Variants in MEPE observed in about 807,000 individuals in gnomAD.
MEPE encodes the protein matrix, extracellular phosphoglycoprotein with ASARM motif (bone).
Under a neutral mutation model 7.3 loss-of-function variants are expected in MEPE, and 7 were observed. That is an observed-to-expected ratio of 0.95 (90% CI 0.54 to 1.79). The LOEUF (loss-of-function observed/expected upper bound fraction) is 1.79. Ranked by LOEUF, MEPE falls within the 40% of genes most tolerant of loss-of-function variation. The probability of loss-of-function intolerance (pLI) is 0.00; values close to 1 mark genes in which losing one functional copy is unlikely to be tolerated. For missense variants in MEPE, 623 were observed against 628.2 expected (o/e 0.99, Z 0.09); for synonymous variants, 214 against 213.1 (o/e 1.00, Z -0.04).
Position 87,845,915 on chromosome 4 carries a change from G to A in MEPE, c.1047G>A (p.Glu349=), listed in dbSNP as rs1478417360. Reference sequence around the variant, plus strand: ...TCATGGGTAGTACCAATTTTAAGGAGCTCCCTGGAAGAGAAGGAAACAGAG... The same window carrying A: ...TCATGGGTAGTACCAATTTTAAGGAACTCCCTGGAAGAGAAGGAAACAGAG... ...NDIMGSTNFK[E]LPGREGNRVD... is the part of the protein sequence containing the mutation. The change falls in exon 4 of 4, where the codon GAG becomes GAA. Residue 349 remains glutamate, a synonymous_variant. Coordinates refer to ENST00000361056, the MANE Select transcript of MEPE (RefSeq NM_020203.6). 11 of 1,613,970 alleles carry A rather than the reference G, an allele frequency of 6.8e-6. No individual in the cohort carries two copies. The highest frequency in any genetic ancestry group is 9.3e-6 in the Non-Finnish European group (11 of 1,179,956).
intron 3 of MEPE, among the ~76,000 whole-genome samples, chr4:87,843,185 C>T (rs1723081384): frequency 6.6e-6 from 1 of 152,126 alleles, no homozygotes; most frequent in South Asian, 2.1e-4. Context: ...ACTGCAAAAG[C>T]CTCCTACATG....
intron 2 of MEPE, among the ~76,000 whole-genome samples, chr4:87,837,168 G>C (rs1206230569): frequency 1.3e-5 from 2 of 152,144 alleles, no homozygotes; most frequent in Non-Finnish European, 2.9e-5. Flanking sequence ...CCAACCAGGG[G>C]TGGTGAGACC....
intron 1 of MEPE, among the ~76,000 whole-genome samples, chr4:87,822,373 T>A (rs2109985814): frequency 6.6e-6 from 1 of 152,244 alleles, no homozygotes; most frequent in African/African-American, 2.4e-5. Flanking sequence ...TCCCAGGACT[T>A]TCCCACTCAC....
chr4:87,842,879 C>T (rs1350800819), intron 3 of MEPE, among the ~76,000 whole-genome samples: 1 of 152,112 alleles, frequency 6.6e-6, no homozygotes, highest in Non-Finnish European at 1.5e-5. Context: ...TGACCATGGG[C>T]TATGAAAACT....
intron 2 of MEPE, among the ~76,000 whole-genome samples, chr4:87,836,610 G>A (rs1279100440): frequency 1.3e-5 from 2 of 152,078 alleles, no homozygotes; most frequent in Admixed American, 6.6e-5. Flanking sequence ...GATCATATAA[G>A]AATCAACATA....
upstream of MEPE, among the ~76,000 whole-genome samples, chr4:87,832,380 C>T (rs1243591107): frequency 6.6e-6 from 1 of 152,124 alleles, no homozygotes; most frequent in Non-Finnish European, 1.5e-5. Flanking sequence ...AGTGTCCCCA[C>T]CCCCAATGCT....
intron 1 of MEPE, among the ~76,000 whole-genome samples, chr4:87,822,389 G>T (rs11734956): frequency 2.0e-5 from 3 of 151,886 alleles, no homozygotes; most frequent in Admixed American, 2.0e-4. Context: ...CTCACAACCC[G>T]TCAAGCAATT....
chr4:87,834,900 A>T, intron 2 of MEPE, 132 bp downstream of exon 2: 1 of 703,766 alleles, frequency 1.4e-6, no homozygotes, highest in Admixed American at 3.1e-5. Context: ...CCAAGCAAAC[A>T]GAAAGCATCT....
intron 3 of MEPE, chr4:87,840,123 A>G (rs1002958041): frequency 2.0e-6 from 3 of 1,486,656 alleles, no homozygotes; most frequent in African/African-American, 1.4e-5. Context: ...TTTTCTTGAC[A>G]TATTCTACCA....
chr4:87,845,950 G>A lies in MEPE; in HGVS notation c.1082G>A (p.Gly361Asp), dbSNP rs1459454813. ...AGAGAAGGAAACAGAGTGGATGCTG[G>A]CAGCCAAAATGCTCACCAAGGGAAG... ...PGREGNRVDAGSQNAHQGKVE... is the reference protein window; with the variant it reads ...PGREGNRVDADSQNAHQGKVE... Residue 361 changes from glycine to aspartate, a missense_variant, in exon 4 of 4, where the codon GGC becomes GAC. By Grantham distance (94) the Gly-to-Asp change is moderately conservative (BLOSUM62 -1). Transcript: ENST00000361056. 1 of 1,613,928 alleles carries A rather than the reference G, an allele frequency of 6.2e-7. No individual in the cohort carries two copies. The highest frequency in any genetic ancestry group is 8.5e-7 in the Non-Finnish European group (1 of 1,179,952).
chr4:87,841,699 T>G (rs1723019247), intron 3 of MEPE, among the ~76,000 whole-genome samples: 1 of 151,482 alleles, frequency 6.6e-6, no homozygotes, highest in Non-Finnish European at 1.5e-5. Flanking sequence ...TGTTTGGGAG[T>G]GAAAAAAAAG....
In MEPE at chr4:87,846,029, T is replaced by C. The variant is rs1245125732; in HGVS notation, c.1161T>C (p.Ser387=). ...CAAAAGAGAAAAGAAAAGAAGGCAGTAGTGATGCAGCTGAAAGTACCAACT... is the reference window on the plus strand; with the variant it reads ...CAAAAGAGAAAAGAAAAGAAGGCAGCAGTGATGCAGCTGAAAGTACCAACT... The part of the protein sequence containing the change: ...APSKEKRKEG[S]SDAAESTNYN... The change falls in exon 4 of 4, where the codon AGT becomes AGC. Residue 387 remains serine (S), a synonymous_variant. Transcript: ENST00000361056. 3.1e-6 allele frequency: 5 copies of C among 1,613,994 alleles called. No homozygotes were observed. The highest frequency in any genetic ancestry group is 2.2e-5 in the East Asian group (1 of 44,884).
At chr4:87,827,678 AT>A (rs1297011177) in intron 1 of MEPE, among the ~76,000 whole-genome samples, 1 of 152,228 alleles carries the variant, frequency 6.6e-6, no homozygotes, top group Admixed American at 6.5e-5. Flanking sequence ...TTATAATTAT[AT>A]TTTAACTACA....
chr4:87,846,145 G>T lies in MEPE; in HGVS notation c.1277G>T (p.Arg426Met). 6 of 1,613,956 alleles carry T rather than the reference G, an allele frequency of 3.7e-6. No individual in the cohort carries two copies. The highest frequency in any genetic ancestry group is 3.4e-6 in the Non-Finnish European group (4 of 1,179,962). Residue 426 changes from arginine (R) to methionine (M), a missense_variant, in exon 4 of 4, where the codon AGG becomes ATG. By Grantham distance (91) the Arg-to-Met change is moderately conservative. Coordinates refer to ENST00000361056, the MANE Select transcript of MEPE (RefSeq NM_020203.6). Reference protein sequence around the residue: ...RNQATLNEKQRFPSKGKSQGL... With the variant: ...RNQATLNEKQMFPSKGKSQGL... ...CAAGCAACCTTAAATGAAAAACAAA[G>T]GTTTCCTAGTAAGGGCAAAAGTCAG...
At chr4:87,834,056 G>A (rs35319162) in intron 1 of MEPE, among the ~76,000 whole-genome samples, 40,795 of 152,084 alleles carry the variant, frequency 0.27, 6,515 homozygotes, top group Non-Finnish European at 0.34. Context: ...TAGTAACGCC[G>A]CCTAACTTGT....
intron 2 of MEPE, among the ~76,000 whole-genome samples, chr4:87,837,394 T>C (rs890631777): frequency 1.3e-5 from 2 of 151,926 alleles, no homozygotes; most frequent in East Asian, 1.9e-4. Context: ...CCAAACCCAG[T>C]CTGAACACAG....
At chr4:87,838,727 T>G in intron 3 of MEPE, 42 bp downstream of exon 3, 9 of 1,569,248 alleles carry the variant, frequency 5.7e-6, no homozygotes, top group Non-Finnish European at 7.9e-6. Flanking sequence ...ATTTCAGCTC[T>G]ATAAAGAAAA....
At chr4:87,843,153 T>C (rs1001427050) in intron 3 of MEPE, among the ~76,000 whole-genome samples, 86 of 152,332 alleles carry the variant, frequency 5.6e-4, no homozygotes, top group Non-Finnish European at 1.9e-4. Flanking sequence ...CTAATCCAAG[T>C]GATTACATCT....
At chr4:87,840,044 A>G (rs1722955416) in intron 3 of MEPE, 1 of 1,535,180 alleles carries the variant, frequency 6.5e-7, no homozygotes, top group African/African-American at 1.4e-5. Flanking sequence ...TGTGATACTC[A>G]TGGACCTCAG....
Sources: gnomAD v4.1 joint callset for allele counts (sites outside exome capture counted in the v4.1 genomes callset) on GRCh38, gnomAD v4.1.1 for gene constraint, MANE v1.5 for transcripts, NCBI Gene and HGNC (gene_info 2026-07-23, HGNC 2026-07-21) for gene names.